The following CDC42BPA variants were observed in gnomAD, a reference collection of about 807,000 sequenced individuals.
CDC42BPA encodes the protein CDC42 binding protein kinase alpha.
Under a neutral mutation model 223.5 loss-of-function variants are expected in CDC42BPA, and 80 were observed. The ratio of observed to expected loss-of-function variants is 0.36; its 90% CI spans 0.30 to 0.43. The LOEUF (loss-of-function observed/expected upper bound fraction) is 0.43, where lower values mean the gene tolerates loss of function less well. CDC42BPA is among the 20% of genes least tolerant of loss of function. The pLI, the probability that CDC42BPA is intolerant of heterozygous loss-of-function variation, is 1.00. For missense variants in CDC42BPA, 1,743 were observed against 2,099.9 expected (o/e 0.83, Z 3.32); for synonymous variants, 694 against 718.6 (o/e 0.97, Z 0.55).
At chr1:227,036,960 A>G (rs145069169) in intron 24 of CDC42BPA, among the ~76,000 whole-genome samples, 2 of 152,294 alleles carry the variant, frequency 1.3e-5, no homozygotes, top group East Asian at 1.9e-4. Flanking sequence ...ATAGCTTCAT[A>G]AAGTAGGCTT....
chr1:227,281,356 C>G (rs761743819), intron 1 of CDC42BPA, among the ~76,000 whole-genome samples: 6 of 152,034 alleles, frequency 3.9e-5, no homozygotes, highest in Non-Finnish European at 7.4e-5. Flanking sequence ...GCCAGGGAAA[C>G]TCCAAAGCTC....
At chr1:227,286,487 A>AC (rs1489482800) in intron 1 of CDC42BPA, among the ~76,000 whole-genome samples, 1 of 152,104 alleles carries the variant, frequency 6.6e-6, no homozygotes, top group African/African-American at 2.4e-5. Context: ...TTCTATCAGC[A>AC]TTTTTATCAG....
At chr1:227,067,259 C>T (rs1454887825) in intron 21 of CDC42BPA, among the ~76,000 whole-genome samples, 1 of 152,056 alleles carries the variant, frequency 6.6e-6, no homozygotes, top group Non-Finnish European at 1.5e-5. Context: ...AGAGCAGAAA[C>T]AAGCTGAGGA....
At chr1:227,216,799 T>C (rs570952159) in intron 2 of CDC42BPA, among the ~76,000 whole-genome samples, 4 of 152,324 alleles carry the variant, frequency 2.6e-5, no homozygotes, top group South Asian at 2.1e-4. Flanking sequence ...TGCAAGACTA[T>C]AGTTTAACAC....
rs889175900 is a variant in CDC42BPA at position 227,267,930 on chromosome 1, A to G, written c.179-13775T>C. On this transcript the variant is annotated intron_variant, in intron 1 of 36. Transcript: ENST00000366766. ...TAAACCATATCACCAGACAAAAGAC[A>G]TGGGAGAAAGAATCTTGGACAATTC... 2.6e-5 allele frequency among the ~76,000 whole-genome samples: 4 copies of G among 152,288 alleles called. No homozygotes were observed. In the South Asian group the frequency reaches 8.3e-4, roughly 32 times the overall value.
intron 20 of CDC42BPA, 90 bp from the exon 21 acceptor site, chr1:227,069,943 G>A: frequency 1.3e-6 from 1 of 770,320 alleles, no homozygotes; most frequent in Non-Finnish European, 2.2e-6. Context: ...ACTAAAAGCA[G>A]TTCACAAACT....
intron 16 of CDC42BPA, among the ~76,000 whole-genome samples, chr1:227,086,676 T>C (rs1001450457): frequency 6.8e-6 from 1 of 147,366 alleles, no homozygotes; most frequent in Non-Finnish European, 1.5e-5. Flanking sequence ...TTTTAAGAGG[T>C]TTTTTTTTCC....
At chr1:227,288,066 A>G (rs1689082779) in intron 1 of CDC42BPA, among the ~76,000 whole-genome samples, 2 of 152,290 alleles carry the variant, frequency 1.3e-5, no homozygotes, top group South Asian at 2.1e-4. Context: ...TGTAATAAAC[A>G]TTAATCTATG....
At chr1:227,165,382 T>G (rs1664851434) in intron 5 of CDC42BPA, among the ~76,000 whole-genome samples, 1 of 152,246 alleles carries the variant, frequency 6.6e-6, no homozygotes, top group Non-Finnish European at 1.5e-5. Flanking sequence ...ATTGACTTGA[T>G]ACATGATTTG....
rs535305689 is a variant in CDC42BPA at position 227,294,687 on chromosome 1, C to T, written c.178+22318G>A. Among the ~76,000 whole-genome samples, 60 of 93,382 alleles carry T rather than the reference C, an allele frequency of 6.4e-4. 14 individuals are homozygous for T. Among genetic ancestry groups the T allele is most frequent in the African/African-American group, 2.4e-3 (57 of 23,526 alleles). The allele number at this position is 93,382 out of a possible 152,430, so 61.3% of individuals were successfully genotyped here. A position where few individuals can be genotyped will look rare whatever the true frequency, so the allele number is the denominator to read the frequency against. On this transcript the variant is annotated intron_variant, in intron 1 of 36. Coordinates refer to ENST00000366766, the MANE Select transcript of CDC42BPA (RefSeq NM_001394014.1). ...CATCCTGGCTAACAAGGTGAAACCC[C>T]GTCTCTACTAAAAATACAAAAAATT...
chr1:227,099,434 T>C (rs1048926850), intron 15 of CDC42BPA, among the ~76,000 whole-genome samples: 8 of 151,546 alleles, frequency 5.3e-5, no homozygotes, highest in Non-Finnish European at 7.4e-5. Flanking sequence ...CTTATATAGG[T>C]GTACCCTTTT....
intron 6 of CDC42BPA, 80 bp downstream of exon 6, chr1:227,160,463 G>T: frequency 1.1e-6 from 1 of 919,362 alleles, no homozygotes; most frequent in Non-Finnish European, 1.8e-6. Flanking sequence ...ATAAATAGAT[G>T]GTTTCTAAAA....
intron 35 of CDC42BPA, among the ~76,000 whole-genome samples, chr1:227,001,891 A>G (rs1481765109): frequency 6.6e-6 from 1 of 151,642 alleles, no homozygotes; most frequent in Non-Finnish European, 1.5e-5. Flanking sequence ...TGGCCAACAG[A>G]GTGAGACTCT....
intron 5 of CDC42BPA, among the ~76,000 whole-genome samples, chr1:227,179,695 CAAT>C (rs1667613941): frequency 8.6e-6 from 1 of 116,462 alleles, no homozygotes; most frequent in Non-Finnish European, 1.8e-5. Flanking sequence ...TTTAATCTCA[CAAT>C]AATTTTTAAT....
intron 5 of CDC42BPA, 134 bp from the exon 6 acceptor site, chr1:227,160,770 T>C (rs1461088316): frequency 3.5e-6 from 2 of 568,388 alleles, no homozygotes; most frequent in Non-Finnish European, 6.2e-6. Context: ...TTAATTACTT[T>C]ATTAATTCAA....
chr1:227,002,658 C>T (rs991259398), intron 35 of CDC42BPA, among the ~76,000 whole-genome samples: 34 of 152,190 alleles, frequency 2.2e-4, no homozygotes, highest in African/African-American at 8.2e-4. Flanking sequence ...TGATCACTTG[C>T]CCTGGAGGAA....
intron 5 of CDC42BPA, 48 bp downstream of exon 5, chr1:227,193,738 G>C: frequency 1.4e-6 from 2 of 1,411,108 alleles, no homozygotes; most frequent in Non-Finnish European, 1.9e-6. Context: ...TCTGTTGCTA[G>C]ATATTACATG....
intron 3 of CDC42BPA, among the ~76,000 whole-genome samples, chr1:227,203,005 T>C (rs1467835231): frequency 6.6e-6 from 1 of 152,068 alleles, no homozygotes; most frequent in African/African-American, 2.4e-5. Context: ...TATACAAGGG[T>C]AGAGAAACTA....
rs1441580263 is a variant in CDC42BPA at position 227,267,767 on chromosome 1, A to G, written c.179-13612T>C. 2.0e-5 allele frequency among the ~76,000 whole-genome samples: 3 copies of G among 152,130 alleles called. No individual in the cohort carries two copies. In the East Asian group the frequency reaches 5.8e-4, roughly 29 times the overall value. On this transcript the variant is annotated intron_variant, in intron 1 of 36. Transcript: ENST00000366766. ...GGCAATGCCACTTTTAAAACCATCA[A>G]ATCTTGTGAGAACTCCCTCACTATC...
Sources: allele counts gnomAD v4.1 joint callset (sites outside exome capture counted in the v4.1 genomes callset), GRCh38; gene constraint gnomAD v4.1.1; transcripts MANE v1.5; gene names NCBI Gene and HGNC (gene_info 2026-07-23, HGNC 2026-07-21).